KLHL20: variants seen among roughly 807,000 people sequenced by gnomAD.
The protein encoded by KLHL20 is kelch-like protein 20.
KLHL20 carries 29 observed loss-of-function variants against 69.5 expected under a neutral mutation model. The observed-to-expected ratio is 0.42, with a 90% CI of 0.31 to 0.57. The LOEUF (loss-of-function observed/expected upper bound fraction) is 0.57. KLHL20 is among the 20% of genes least tolerant of loss of function. KLHL20 has a pLI of 0.18. For missense variants in KLHL20, 419 were observed against 776.0 expected (o/e 0.54, Z 5.47); for synonymous variants, 253 against 265.2 (o/e 0.95, Z 0.45).
intron 6 of KLHL20, among the ~76,000 whole-genome samples, chr1:173,756,554 G>A (rs139926032): frequency 1.3e-5 from 2 of 152,120 alleles, no homozygotes; most frequent in African/African-American, 2.4e-5. Context: ...TAAAAATGTC[G>A]TGCAGTAGAT....
chr1:173,724,266 A>C, intron 2 of KLHL20, among the ~76,000 whole-genome samples: 1 of 151,894 alleles, frequency 6.6e-6, no homozygotes, highest in Non-Finnish European at 1.5e-5. Context: ...CAACCTCCCA[A>C]AGTACTGGGA....
chr1:173,730,483 C>T (rs1291894809), intron 2 of KLHL20, among the ~76,000 whole-genome samples: 2 of 152,068 alleles, frequency 1.3e-5, no homozygotes, highest in Admixed American at 6.6e-5. Context: ...TACAAGGCTA[C>T]AGTAACCAAA....
chr1:173,761,865 C>A (rs1647329327), intron 7 of KLHL20, among the ~76,000 whole-genome samples: 1 of 151,944 alleles, frequency 6.6e-6, no homozygotes, highest in African/African-American at 2.4e-5. Context: ...AGGAAATAAC[C>A]AAGATCAGAG....
In KLHL20 at chr1:173,767,377, A is replaced by T. The variant is rs775155379; in HGVS notation, c.1295+1088A>T. The stretch of plus-strand genomic sequence containing the variant: ...ATGAGAGTACAGGTATCTCTTCAAC[A>T]TACTTATTTCCATTGAATATATACT... On this transcript the variant is annotated intron_variant, in intron 8 of 11. Coordinates refer to ENST00000209884, the MANE Select transcript of KLHL20 (RefSeq NM_014458.4). Among the ~76,000 whole-genome samples, 4 of 152,128 alleles carry T rather than the reference A, an allele frequency of 2.6e-5. No individual in the cohort carries two copies. In the East Asian group the frequency reaches 7.7e-4, roughly 29 times the overall value.
chr1:173,751,107 T>C (rs1673292796), intron 3 of KLHL20, among the ~76,000 whole-genome samples: 1 of 152,194 alleles, frequency 6.6e-6, no homozygotes, highest in Non-Finnish European at 1.5e-5. Flanking sequence ...CTGTCCCTTT[T>C]ACTCTACATT....
intron 2 of KLHL20, among the ~76,000 whole-genome samples, chr1:173,719,673 T>C (rs1671629292): frequency 6.6e-6 from 1 of 152,154 alleles, no homozygotes; most frequent in Non-Finnish European, 1.5e-5. Context: ...TTATGTACAT[T>C]TTTTTAATTT....
intron 7 of KLHL20, among the ~76,000 whole-genome samples, chr1:173,763,415 G>A (rs998371898): frequency 6.6e-6 from 1 of 151,934 alleles, no homozygotes; most frequent in African/African-American, 2.4e-5. Context: ...CCAAAAAAGA[G>A]CCCACATAGC....
intron 3 of KLHL20, among the ~76,000 whole-genome samples, chr1:173,740,727 C>T (rs1458062605): frequency 6.6e-6 from 1 of 152,008 alleles, no homozygotes; most frequent in African/African-American, 2.4e-5. Flanking sequence ...GTTGATTTCT[C>T]CCCGCCGAGA....
At chr1:173,784,292 C>T (rs897603337) in intron 11 of KLHL20, among the ~76,000 whole-genome samples, 1 of 152,238 alleles carries the variant, frequency 6.6e-6, no homozygotes, top group East Asian at 1.9e-4. Flanking sequence ...AACCTAAATA[C>T]GGTAAAGGAT....
intron 8 of KLHL20, among the ~76,000 whole-genome samples, chr1:173,770,900 C>T (rs546499353): frequency 1.4e-4 from 22 of 152,054 alleles, no homozygotes; most frequent in Middle Eastern, 6.8e-3. Flanking sequence ...CTATATCCTT[C>T]GAATATTGAC....
At position 173,726,906 on chromosome 1, in the gene KLHL20, T is replaced by C. The variant is rs375130886; in HGVS notation, c.24-6807T>C. Among the ~76,000 whole-genome samples, 25 of 152,236 alleles carry C rather than the reference T, an allele frequency of 1.6e-4. No individual in the cohort carries two copies. The East Asian group carries it at 2.9e-3, about 18-fold the overall frequency. On this transcript the variant is annotated intron_variant, in intron 2 of 11. Coordinates refer to ENST00000209884, the MANE Select transcript of KLHL20 (RefSeq NM_014458.4). Reference sequence around the variant, plus strand: ...GAACAAAGCTGGACGGAGAATGACTTTGACGAGTTGAGAGAAGAAGGCTTC... The same window carrying C: ...GAACAAAGCTGGACGGAGAATGACTCTGACGAGTTGAGAGAAGAAGGCTTC...
chr1:173,769,509 C>G (rs1558218131), intron 8 of KLHL20, among the ~76,000 whole-genome samples: 1 of 152,108 alleles, frequency 6.6e-6, no homozygotes, highest in Non-Finnish European at 1.5e-5. Flanking sequence ...AATCTCTGGA[C>G]TAGGCGCTGT....
Position 173,785,668 on chromosome 1 carries a change from A to G in KLHL20, c.*421A>G, listed in dbSNP as rs1649160567. 2 of 152,244 alleles carry G rather than the reference A, an allele frequency of 1.3e-5. No individual in the cohort carries two copies. Among genetic ancestry groups the G allele is most frequent in the Admixed American group, 1.3e-4 (2 of 15,256 alleles). 9.4% of individuals were successfully genotyped at this position (152,244 alleles called of 1,614,324 possible). A position where few individuals can be genotyped will look rare whatever the true frequency, so the allele number is the denominator to read the frequency against. On this transcript the variant is annotated 3_prime_UTR_variant, in exon 12 of 12. Coordinates refer to ENST00000209884, the MANE Select transcript of KLHL20 (RefSeq NM_014458.4). ...CCACATGATTCCACTAACAAGGATTACCAGGAATAAAGGTAGGTATGCAAA... is the reference window on the plus strand; with the variant it reads ...CCACATGATTCCACTAACAAGGATTGCCAGGAATAAAGGTAGGTATGCAAA...
intron 5 of KLHL20, among the ~76,000 whole-genome samples, chr1:173,753,910 T>C (rs1301994767): frequency 1.3e-5 from 2 of 152,216 alleles, no homozygotes; most frequent in Non-Finnish European, 2.9e-5. Context: ...TGTAATAAAT[T>C]ACATTCCCAA....
At chr1:173,719,693 T>C (rs1305537576) in intron 2 of KLHL20, among the ~76,000 whole-genome samples, 1 of 152,190 alleles carries the variant, frequency 6.6e-6, no homozygotes, top group Non-Finnish European at 1.5e-5. Flanking sequence ...TTGGTGGACA[T>C]TGACAAATTT....
intron 2 of KLHL20, among the ~76,000 whole-genome samples, chr1:173,719,187 T>C (rs1028506123): frequency 5.9e-5 from 9 of 152,160 alleles, no homozygotes; most frequent in Non-Finnish European, 1.3e-4. Flanking sequence ...TATGTAGTAT[T>C]CCATTGTCTA....
At chr1:173,766,986 A>G (rs1647771160) in intron 8 of KLHL20, among the ~76,000 whole-genome samples, 1 of 152,174 alleles carries the variant, frequency 6.6e-6, no homozygotes, top group Non-Finnish European at 1.5e-5. Flanking sequence ...TATGTTGTAC[A>G]TTAGAGCTCT....
At position 173,731,572 on chromosome 1, in the gene KLHL20, A is replaced by G. The variant is rs201575240; in HGVS notation, c.24-2141A>G. On this transcript the variant is annotated intron_variant, in intron 2 of 11. Transcript: ENST00000209884. ...ATGATTTCATGTCCTTTGTATGGAC[A>G]TGGATGAAGCTGGAAACCATCATTC... Among the ~76,000 whole-genome samples the G allele has an allele frequency of 3.2e-4, 48 of 152,192 alleles. 1 individual carries two copies.
At position 173,785,302 on chromosome 1, in the gene KLHL20, T is replaced by C. The variant is rs1159127833; in HGVS notation, c.*55T>C. 4 of 1,277,940 alleles carry C rather than the reference T, an allele frequency of 3.1e-6. No homozygotes were observed. In the East Asian group the frequency reaches 7.6e-5, roughly 24 times the overall value. 79.2% of individuals were successfully genotyped at this position (1,277,940 alleles called of 1,614,324 possible). On this transcript the variant is annotated 3_prime_UTR_variant, in exon 12 of 12. Coordinates refer to ENST00000209884, the MANE Select transcript of KLHL20 (RefSeq NM_014458.4). ...CTCTGTATTCTGGGGAGCTTTGACCTTGGAGCTTTGTACAGCTTGAGAAAA... is the reference window on the plus strand; with the variant it reads ...CTCTGTATTCTGGGGAGCTTTGACCCTGGAGCTTTGTACAGCTTGAGAAAA...
Sources: gnomAD v4.1 joint callset for allele counts (sites outside exome capture counted in the v4.1 genomes callset) on GRCh38, gnomAD v4.1.1 for gene constraint, MANE v1.5 for transcripts, NCBI Gene and HGNC (gene_info 2026-07-23, HGNC 2026-07-21) for gene names.